Variants in JPH3 observed in about 807,000 individuals in gnomAD.
The protein encoded by JPH3 is junctophilin 3, also known as junctophilin-3.
In JPH3, 11 loss-of-function variants were observed where a neutral mutation model predicts 59.6. The observed-to-expected ratio is 0.18, with a 90% CI of 0.12 to 0.31. The LOEUF (loss-of-function observed/expected upper bound fraction) is 0.31, where lower values mean the gene tolerates loss of function less well. Among genes scored for constraint, JPH3 ranks in the 10% least tolerant of loss-of-function variants. JPH3 has a pLI of 1.00. For missense variants in JPH3, 1,202 were observed against 1,105.7 expected, an observed-to-expected ratio of 1.09 and a Z score of -1.24; for synonymous variants, 673 against 483.6, an observed-to-expected ratio of 1.39 and a Z score of -5.14.
chr16:87,618,520 G>A (rs1012353103), intron 1 of JPH3, among the ~76,000 whole-genome samples: 2 of 152,222 alleles, frequency 1.3e-5, no homozygotes, highest in Admixed American at 6.5e-5. Context: ...TACAGACGGT[G>A]GAGCTCAGGC....
intron 2 of JPH3, among the ~76,000 whole-genome samples, chr16:87,651,436 A>C (rs1285521634): frequency 6.6e-6 from 1 of 152,224 alleles, no homozygotes; most frequent in African/African-American, 2.4e-5. Flanking sequence ...ATCTGGGCAA[A>C]GTCCATTGAA....
chr16:87,682,517 C>G (rs2033320874), intron 2 of JPH3, among the ~76,000 whole-genome samples: 1 of 152,086 alleles, frequency 6.6e-6, no homozygotes, highest in South Asian at 2.1e-4. Context: ...CAGAGAGCAC[C>G]CTCGCTTCTT....
rs570800823 is a variant in JPH3 at position 87,648,475 on chromosome 16, C to T, written c.1160+3440C>T. On this transcript the variant is annotated intron_variant, in intron 2 of 4. Coordinates refer to ENST00000284262, the MANE Select transcript of JPH3 (RefSeq NM_020655.4). The stretch of plus-strand genomic sequence containing the variant: ...TGGCACTGTCCTCACCCGCCCCGGC[C>T]GGCAGGGCTTGTCAGGCCGCGTGAA... Among the ~76,000 whole-genome samples, 230 of 152,294 alleles carry T rather than the reference C, an allele frequency of 1.5e-3. 2 individuals carry two copies. In the South Asian group the frequency reaches 0.027, roughly 18 times the overall value.
At chr16:87,676,217 G>C (rs973393832) in intron 2 of JPH3, among the ~76,000 whole-genome samples, 1 of 152,226 alleles carries the variant, frequency 6.6e-6, no homozygotes, top group African/African-American at 2.4e-5. Context: ...TCTTCTCAAT[G>C]AGACCAGAAT....
At chr16:87,655,075 G>A (rs1035901845) in intron 2 of JPH3, 2 of 152,192 alleles carry the variant, frequency 1.3e-5, no homozygotes, top group African/African-American at 4.8e-5. Context: ...CCTGGGAGTC[G>A]AGTGTCTCGA....
At chr16:87,677,185 T>TATACAC (rs1491266129) in intron 2 of JPH3, among the ~76,000 whole-genome samples, 2,098 of 94,942 alleles carry the variant, frequency 0.022, 36 homozygotes, top group Middle Eastern at 0.037. Flanking sequence ...TATATATATA[T>TATACAC]ACACACACAC....
At position 87,614,882 on chromosome 16, in the gene JPH3, G is replaced by A. The variant is rs113207123; in HGVS notation, c.382+11354G>A. The stretch of plus-strand genomic sequence containing the variant: ...CTGGTCCCTGCACACACGAGGAGCC[G>A]CGCGTCCCCTCCCGGGATAAACGCT... On this transcript the variant is annotated intron_variant, in intron 1 of 4. Coordinates refer to ENST00000284262, the MANE Select transcript of JPH3 (RefSeq NM_020655.4). 2.1e-3 allele frequency among the ~76,000 whole-genome samples: 261 copies of A among 125,894 alleles called. 2 individuals carry two copies. The highest frequency in any genetic ancestry group is 7.4e-3 in the African/African-American group (235 of 31,788). The allele number at this position is 125,894 out of a possible 152,430, so 82.6% of individuals were successfully genotyped here. A position where few individuals can be genotyped will look rare whatever the true frequency, so the allele number is the denominator to read the frequency against.
chr16:87,667,986 G>A (rs979430264), intron 2 of JPH3, among the ~76,000 whole-genome samples: 1 of 152,210 alleles, frequency 6.6e-6, no homozygotes, highest in South Asian at 2.1e-4. Flanking sequence ...AGCGCACACC[G>A]GCTCTGAACA....
chr16:87,608,256 C>G (rs192536900), intron 1 of JPH3, among the ~76,000 whole-genome samples: 3 of 152,338 alleles, frequency 2.0e-5, no homozygotes, highest in Admixed American at 2.0e-4. Context: ...TGTTCCTTTC[C>G]AAGACTTTTT....
rs367695644 is a variant in JPH3 at position 87,684,217 on chromosome 16, C to T, written c.1236C>T (p.Ala412=). 63 of 1,613,852 alleles carry T rather than the reference C, an allele frequency of 3.9e-5. No homozygotes were observed. Among genetic ancestry groups the T allele is most frequent in the African/African-American group, 3.6e-4 (27 of 74,926 alleles). ...AAGCCCAGGAGGAGGCGCGGATCGC[C>T]AGGATCACTGCCAAAGAGTTCTCCC... The part of the protein sequence containing the change: ...AQKAQEEARI[A]RITAKEFSPS... The change falls in exon 3 of 5, where the codon GCC becomes GCT. Residue 412 remains alanine (A), a synonymous_variant. Coordinates refer to ENST00000284262, the MANE Select transcript of JPH3 (RefSeq NM_020655.4).
intron 1 of JPH3, among the ~76,000 whole-genome samples, chr16:87,614,117 G>A (rs968770569): frequency 6.6e-6 from 1 of 152,236 alleles, no homozygotes; most frequent in African/African-American, 2.4e-5. Flanking sequence ...TTGTAAGCTT[G>A]GGGGACTGCC....
At chr16:87,647,412 G>A (rs972581205) in intron 2 of JPH3, among the ~76,000 whole-genome samples, 3 of 152,072 alleles carry the variant, frequency 2.0e-5, no homozygotes, top group Non-Finnish European at 4.4e-5. Context: ...GAGTGAGAGG[G>A]AAAGGATGGG....
intron 2 of JPH3, among the ~76,000 whole-genome samples, chr16:87,650,594 G>A (rs551540740): frequency 1.4e-4 from 21 of 152,330 alleles, no homozygotes; most frequent in African/African-American, 5.1e-4. Flanking sequence ...GAATGTAAAG[G>A]AAAAGTAATT....
chr16:87,660,662 C>T (rs1424972260), intron 2 of JPH3, among the ~76,000 whole-genome samples: 1 of 152,216 alleles, frequency 6.6e-6, no homozygotes, highest in East Asian at 1.9e-4. Context: ...TCGCAGTGGA[C>T]AGGTGAGTCT....
chr16:87,645,178 A>C (rs150107240), intron 2 of JPH3, 143 bp downstream of exon 2: 232 of 858,838 alleles, frequency 2.7e-4, no homozygotes, highest in Non-Finnish European at 3.6e-4. Context: ...CTATGCCCCC[A>C]TGGAACCCTA....
intron 1 of JPH3, among the ~76,000 whole-genome samples, chr16:87,630,007 A>G (rs2031513286): frequency 6.6e-6 from 1 of 152,264 alleles, no homozygotes; most frequent in South Asian, 2.1e-4. Flanking sequence ...AGTTAAAAAA[A>G]GACCACATGA....
At chr16:87,684,403 C>A in intron 3 of JPH3, 137 bp downstream of exon 3, 1 of 1,365,988 alleles carries the variant, frequency 7.3e-7, no homozygotes, top group Non-Finnish European at 9.9e-7. Flanking sequence ...TGCCCGGTGT[C>A]TTCCTCTCCC....
intron 2 of JPH3, among the ~76,000 whole-genome samples, chr16:87,672,485 G>A (rs1312243186): frequency 6.6e-6 from 1 of 152,234 alleles, no homozygotes; most frequent in East Asian, 1.9e-4. Context: ...AGCCTCCTCA[G>A]CACAGAGCCG....
chr16:87,661,616 C>T (rs952409936), intron 2 of JPH3, among the ~76,000 whole-genome samples: 4 of 152,238 alleles, frequency 2.6e-5, no homozygotes, highest in Non-Finnish European at 5.9e-5. Context: ...GCCGAGAACA[C>T]ACCCCACTTT....
Sources: gnomAD v4.1 joint callset for allele counts (sites outside exome capture counted in the v4.1 genomes callset) on GRCh38, gnomAD v4.1.1 for gene constraint, MANE v1.5 for transcripts, NCBI Gene and HGNC (gene_info 2026-07-23, HGNC 2026-07-21) for gene names.